Variants in EIF2AK2 observed in about 807,000 individuals in gnomAD.
The protein encoded by EIF2AK2 is interferon-induced, double-stranded RNA-activated protein kinase.
A neutral mutation model predicts 70.5 loss-of-function variants in EIF2AK2; 40 were observed. That is an observed-to-expected ratio of 0.57 (90% CI 0.44 to 0.74). EIF2AK2 has a LOEUF of 0.74. Among genes scored for constraint, EIF2AK2 ranks in the 30% least tolerant of loss-of-function variants. EIF2AK2 has a pLI of 0.00. For missense variants in EIF2AK2, 555 were observed against 644.3 expected (o/e 0.86, Z 1.50); for synonymous variants, 198 against 220.9 (o/e 0.90, Z 0.92).
chr2:37,147,058 T>TA (rs1311020170), intron 3 of EIF2AK2, 85 bp from the exon 4 acceptor site: 6 of 1,308,080 alleles, frequency 4.6e-6, no homozygotes, highest in Non-Finnish European at 6.2e-6. Context: ...CTACCTCCTA[T>TA]GACTACCTTT....
At chr2:37,121,000 A>G (rs1674526082) in intron 12 of EIF2AK2, among the ~76,000 whole-genome samples, 1 of 148,002 alleles carries the variant, frequency 6.8e-6, no homozygotes, top group Admixed American at 6.9e-5. Context: ...GCGGTGGCTC[A>G]CGCATGTAAT....
intron 9 of EIF2AK2, among the ~76,000 whole-genome samples, chr2:37,136,212 T>A (rs1363445467): frequency 5.9e-5 from 9 of 152,236 alleles, no homozygotes; most frequent in Non-Finnish European, 1.3e-4. Context: ...TCTAAGCCCT[T>A]AACTCCTTAA....
intron 1 of EIF2AK2, among the ~76,000 whole-genome samples, chr2:37,152,021 G>A (rs1277452859): frequency 2.0e-5 from 3 of 152,332 alleles, no homozygotes; most frequent in East Asian, 1.9e-4. Flanking sequence ...AGCTGAGATC[G>A]CGCCACTGCA....
intron 11 of EIF2AK2, among the ~76,000 whole-genome samples, chr2:37,123,759 T>C (rs542076885): frequency 6.6e-6 from 1 of 152,132 alleles, no homozygotes; most frequent in African/African-American, 2.4e-5. Flanking sequence ...GAAGGTGAAA[T>C]GGTGGAAGGC....
intron 10 of EIF2AK2, among the ~76,000 whole-genome samples, chr2:37,131,048 T>C (rs898367139): frequency 6.6e-6 from 1 of 152,230 alleles, no homozygotes; most frequent in Non-Finnish European, 1.5e-5. Flanking sequence ...AAGGGACTTA[T>C]TTTCTTTCCT....
At chr2:37,152,430 C>T (rs1442922100) in intron 1 of EIF2AK2, among the ~76,000 whole-genome samples, 1 of 152,092 alleles carries the variant, frequency 6.6e-6, no homozygotes, top group Non-Finnish European at 1.5e-5. Context: ...TATGGGACTA[C>T]AGGTGCCCAC....
At chr2:37,152,973 T>A (rs572627183) in intron 1 of EIF2AK2, among the ~76,000 whole-genome samples, 28 of 152,238 alleles carry the variant, frequency 1.8e-4, no homozygotes, top group African/African-American at 6.5e-4. Flanking sequence ...TATAACTAAG[T>A]CCTGTCACCA....
intron 10 of EIF2AK2, among the ~76,000 whole-genome samples, chr2:37,135,092 G>A (rs1266179988): frequency 6.6e-6 from 1 of 152,174 alleles, no homozygotes; most frequent in African/African-American, 2.4e-5. Context: ...TCCTCGGCTG[G>A]AGTAGTCCTC....
rs11124559 is a variant in EIF2AK2, at chr2:37,101,219, G to C, written c.*6054C>G. 1.3e-5 allele frequency: 2 copies of C among 152,182 alleles called. No homozygotes were observed. The highest frequency in any genetic ancestry group is 4.8e-5 in the African/African-American group (2 of 41,390). The allele number at this position is 152,182 out of a possible 1,614,324, so 9.4% of individuals were successfully genotyped here. On this transcript the variant is annotated 3_prime_UTR_variant, in exon 17 of 17. Transcript: ENST00000233057. ...TTAAAGAAATACTCATTTGTCAACT[G>C]TGGAGGTTGCTAGGGCACTAACTCA...
intron 10 of EIF2AK2, among the ~76,000 whole-genome samples, chr2:37,126,973 A>C (rs1674755840): frequency 2.5e-5 from 1 of 39,594 alleles, no homozygotes; most frequent in Non-Finnish European, 5.2e-5. Flanking sequence ...AACAGAAAAA[A>C]AAAAAAAAAA....
At chr2:37,114,224 C>T (rs1166774570) in intron 14 of EIF2AK2, among the ~76,000 whole-genome samples, 5 of 152,002 alleles carry the variant, frequency 3.3e-5, no homozygotes, top group Non-Finnish European at 4.4e-5. Flanking sequence ...TGCTTGAGCC[C>T]AAGATTTTGA....
intron 2 of EIF2AK2, among the ~76,000 whole-genome samples, chr2:37,148,293 G>A (rs1330026168): frequency 6.6e-6 from 1 of 152,148 alleles, no homozygotes; most frequent in Non-Finnish European, 1.5e-5. Context: ...AAAGTAAAAA[G>A]GCTGCAGGAT....
At chr2:37,113,867 T>C (rs1674244885) in intron 14 of EIF2AK2, among the ~76,000 whole-genome samples, 1 of 152,262 alleles carries the variant, frequency 6.6e-6, no homozygotes, top group South Asian at 2.1e-4. Flanking sequence ...ACAGTATTAT[T>C]AGAATCACTT....
intron 9 of EIF2AK2, 60 bp from the exon 10 acceptor site, chr2:37,135,606 T>G (rs1675100383): frequency 1.4e-6 from 2 of 1,460,064 alleles, no homozygotes; most frequent in Non-Finnish European, 1.9e-6. Flanking sequence ...ATAACTTATT[T>G]AGTGTTAATG....
chr2:37,135,452 C>A (rs1558422070), intron 10 of EIF2AK2, 32 bp downstream of exon 10: 1 of 1,564,292 alleles, frequency 6.4e-7, no homozygotes, highest in South Asian at 1.2e-5. Flanking sequence ...CAGCATTACC[C>A]CTTCTTCTTT....
chr2:37,149,927 G>T (rs1675684230), intron 1 of EIF2AK2, among the ~76,000 whole-genome samples: 1 of 152,068 alleles, frequency 6.6e-6, no homozygotes, highest in Non-Finnish European at 1.5e-5. Context: ...GAAAGAACTG[G>T]CCAACAAAGA....
intron 4 of EIF2AK2, 82 bp from the exon 5 acceptor site, chr2:37,141,783 C>G: frequency 1.5e-6 from 2 of 1,364,266 alleles, no homozygotes; most frequent in Non-Finnish European, 2.0e-6. Context: ...AATAAAATTA[C>G]TAAATGAGCA....
In EIF2AK2 at chr2:37,139,792, T is replaced by C. The variant is rs761357990; in HGVS notation, c.390-35A>G. The stretch of plus-strand genomic sequence containing the variant: ...ATCATAGAAGGTACTTATCCAAACA[T>C]GAAAAATATAGCAAATCCAACTTAG... On this transcript the variant is annotated intron_variant, in intron 5 of 16. Transcript: ENST00000233057. 3.8e-6 allele frequency: 6 copies of C among 1,578,764 alleles called. No homozygotes were observed. In the Admixed American group the frequency reaches 1.2e-4, roughly 31 times the overall value.
rs1243824245 is a variant in EIF2AK2 at position 37,102,198 on chromosome 2, C to T, written c.*5075G>A. ...GAGGTTACAAGGAGCTGTGATCGTA[C>T]CACTGTACTCTGGCCTGGGTGACAG... On this transcript the variant is annotated 3_prime_UTR_variant, in exon 17 of 17. Transcript: ENST00000233057. 1 of 152,022 alleles carries T rather than the reference C, an allele frequency of 6.6e-6. No individual in the cohort carries two copies. The highest frequency in any genetic ancestry group is 1.5e-5 in the Non-Finnish European group (1 of 68,030). The allele number at this position is 152,022 out of a possible 1,614,324, so 9.4% of individuals were successfully genotyped here.
Sources: gnomAD v4.1 joint callset for allele counts (sites outside exome capture counted in the v4.1 genomes callset) on GRCh38, gnomAD v4.1.1 for gene constraint, MANE v1.5 for transcripts, NCBI Gene and HGNC (gene_info 2026-07-23, HGNC 2026-07-21) for gene names.